Variants in SHISA9 observed in about 807,000 individuals in gnomAD.
SHISA9 encodes the protein shisa family member 9.
Under a neutral mutation model 38.0 loss-of-function variants are expected in SHISA9, and 13 were observed. That is an observed-to-expected ratio of 0.34 (90% CI 0.22 to 0.54). The LOEUF (loss-of-function observed/expected upper bound fraction) is 0.54, where lower values mean the gene tolerates loss of function less well. SHISA9 is among the 20% of genes least tolerant of loss of function. SHISA9 has a pLI of 0.91. For synonymous variants in SHISA9, 275 were observed against 242.0 expected, an observed-to-expected ratio of 1.14 and a Z score of -1.27; for missense variants, 538 against 575.8, an observed-to-expected ratio of 0.93 and a Z score of 0.67.
At chr16:13,334,076 G>T in the SHISA9 span, among the ~76,000 whole-genome samples, 1 of 152,162 alleles carries the variant, frequency 6.6e-6, no homozygotes, top group Non-Finnish European at 1.5e-5. Context: ...AGAAAACTGA[G>T]GTTTGGTGAT....
At chr16:13,171,615 G>T (rs1399014141) in intron 2 of SHISA9, among the ~76,000 whole-genome samples, 1 of 151,776 alleles carries the variant, frequency 6.6e-6, no homozygotes, top group Non-Finnish European at 1.5e-5. Flanking sequence ...CCCTGGGAGA[G>T]AAAGAACAAA....
chr16:13,393,401 C>G, the SHISA9 span, among the ~76,000 whole-genome samples: 1 of 152,204 alleles, frequency 6.6e-6, no homozygotes, highest in Non-Finnish European at 1.5e-5. Flanking sequence ...TTCCCTCTTT[C>G]GATCAGATCC....
chr16:13,029,914 C>T (rs978432366), intron 2 of SHISA9, among the ~76,000 whole-genome samples: 9 of 152,158 alleles, frequency 5.9e-5, no homozygotes. Flanking sequence ...TCTTCCTTAC[C>T]TCCTGACCCT....
chr16:12,902,954 G>A, intron 1 of SHISA9: 1 of 300,098 alleles, frequency 3.3e-6, no homozygotes, highest in South Asian at 7.3e-5. Flanking sequence ...CCGTGGCCCC[G>A]AAATCTTCGG....
intron 4 of SHISA9, among the ~76,000 whole-genome samples, chr16:13,233,188 C>G (rs1173220168): frequency 6.6e-6 from 1 of 152,000 alleles, no homozygotes; most frequent in Non-Finnish European, 1.5e-5. Flanking sequence ...ATATGACTCC[C>G]AGACCCCTTA....
intron 2 of SHISA9, among the ~76,000 whole-genome samples, chr16:13,203,003 C>CT (rs1248182943): frequency 6.6e-6 from 1 of 152,194 alleles, no homozygotes; most frequent in East Asian, 1.9e-4. Context: ...CCTTTAACAT[C>CT]TGCCAATCTG....
chr16:12,972,137 G>C (rs906388291), intron 2 of SHISA9, among the ~76,000 whole-genome samples: 2 of 150,898 alleles, frequency 1.3e-5, no homozygotes, highest in African/African-American at 4.9e-5. Flanking sequence ...GATAAATAAA[G>C]GTAAATAAAA....
rs549162970 is a variant in SHISA9, at chr16:13,132,354, T to G, written c.692-71040T>G. Reference sequence around the variant, plus strand: ...AGATGTTTACTGCTATTGCTGCTAATATTATTATTTTTTTCCCAAAATGGG... The same window carrying G: ...AGATGTTTACTGCTATTGCTGCTAAGATTATTATTTTTTTCCCAAAATGGG... On this transcript the variant is annotated intron_variant, in intron 2 of 4. Transcript: ENST00000558583. Among the ~76,000 whole-genome samples the G allele has an allele frequency of 2.0e-5, 3 of 150,722 alleles. No homozygotes were observed. The East Asian group carries it at 5.8e-4, about 29-fold the overall frequency.
rs1304534862 is a variant in SHISA9, at chr16:13,235,492, C to G, written c.*83C>G. On this transcript the variant is annotated 3_prime_UTR_variant, in exon 5 of 5. Transcript: ENST00000558583. ...ACCCCGCCCACACCCTCCCCATCCT[C>G]CCCTAATACATGCGTCCACACACTC... The G allele has an allele frequency of 3.5e-6, 5 of 1,415,900 alleles. No homozygotes were observed. The highest frequency in any genetic ancestry group is 1.9e-4 in the Middle Eastern group (1 of 5,396). The allele number at this position is 1,415,900 out of a possible 1,614,324, so 87.7% of individuals were successfully genotyped here.
At chr16:13,467,340 CTT>C in the SHISA9 span, among the ~76,000 whole-genome samples, 1 of 152,214 alleles carries the variant, frequency 6.6e-6, no homozygotes, top group Admixed American at 6.5e-5. Flanking sequence ...GAGCAGAACA[CTT>C]TTCTCCTCCT....
the SHISA9 span, among the ~76,000 whole-genome samples, chr16:13,391,530 G>A: frequency 6.6e-6 from 1 of 152,168 alleles, no homozygotes; most frequent in African/African-American, 2.4e-5. Context: ...CAGTCAATAT[G>A]CATTATTACA....
chr16:13,241,863 G>C (rs1033286914), downstream of SHISA9, among the ~76,000 whole-genome samples: 7 of 152,158 alleles, frequency 4.6e-5, no homozygotes, highest in African/African-American at 1.7e-4. Context: ...CACACAGGAT[G>C]CTCTTTCAGC....
chr16:13,434,403 G>A, the SHISA9 span, among the ~76,000 whole-genome samples: 144 of 123,718 alleles, frequency 1.2e-3, no homozygotes, highest in African/African-American at 3.7e-3. Flanking sequence ...CCATCACACT[G>A]TGTTAGACAA....
chr16:13,248,180 T>C, the SHISA9 span, among the ~76,000 whole-genome samples: 1 of 152,174 alleles, frequency 6.6e-6, no homozygotes, highest in Non-Finnish European at 1.5e-5. Flanking sequence ...GGTTTGATTC[T>C]TTTTCACGTG....
chr16:13,271,362 C>T, the SHISA9 span, among the ~76,000 whole-genome samples: 1 of 152,158 alleles, frequency 6.6e-6, no homozygotes, highest in African/African-American at 2.4e-5. Flanking sequence ...ATTAAATCAA[C>T]GTCATCATGT....
intron 2 of SHISA9, among the ~76,000 whole-genome samples, chr16:13,168,934 G>A (rs1376714265): frequency 6.6e-6 from 1 of 152,194 alleles, no homozygotes; most frequent in African/African-American, 2.4e-5. Context: ...GTGCCTGGCA[G>A]GAACACTTTG....
chr16:13,264,439 C>T, the SHISA9 span, among the ~76,000 whole-genome samples: 2 of 152,054 alleles, frequency 1.3e-5, no homozygotes, highest in African/African-American at 4.8e-5. Flanking sequence ...TCCCAAAGTG[C>T]TAGGATTACA....
At chr16:13,258,841 A>G in the SHISA9 span, among the ~76,000 whole-genome samples, 1 of 152,182 alleles carries the variant, frequency 6.6e-6, no homozygotes, top group Non-Finnish European at 1.5e-5. Flanking sequence ...TTCCCACAAT[A>G]CATGGGAATT....
chr16:13,469,869 C>T, the SHISA9 span, among the ~76,000 whole-genome samples: 1 of 152,274 alleles, frequency 6.6e-6, no homozygotes, highest in East Asian at 1.9e-4. Context: ...GAAGTTTGCT[C>T]TTTTCAACTA....
Sources: allele counts gnomAD v4.1 joint callset (sites outside exome capture counted in the v4.1 genomes callset), GRCh38; gene constraint gnomAD v4.1.1; transcripts MANE v1.5; gene names NCBI Gene and HGNC (gene_info 2026-07-23, HGNC 2026-07-21).